MTHFD1L: variants seen among roughly 807,000 people sequenced by gnomAD.
The protein encoded by MTHFD1L is monofunctional C1-tetrahydrofolate synthase, mitochondrial.
A neutral mutation model predicts 119.5 loss-of-function variants in MTHFD1L; 81 were observed. The ratio of observed to expected loss-of-function variants is 0.68; its 90% confidence interval spans 0.57 to 0.82. The LOEUF (loss-of-function observed/expected upper bound fraction) is 0.82, where lower values mean the gene tolerates loss of function less well. Among genes scored for constraint, MTHFD1L ranks in the 40% least tolerant of loss-of-function variants. The pLI is 0.00. For missense variants in MTHFD1L, 1,125 were observed against 1,253.4 expected (o/e 0.90, Z 1.55); for synonymous variants, 430 against 475.2 (o/e 0.90, Z 1.24).
At chr6:151,073,847 A>G (rs1344612147) in intron 26 of MTHFD1L, among the ~76,000 whole-genome samples, 1 of 152,240 alleles carries the variant, frequency 6.6e-6, no homozygotes, top group Non-Finnish European at 1.5e-5. Flanking sequence ...TTAAGTAGCC[A>G]AAAATATGTA....
At chr6:150,948,569 C>G (rs1349687845) in intron 15 of MTHFD1L, among the ~76,000 whole-genome samples, 1 of 152,112 alleles carries the variant, frequency 6.6e-6, no homozygotes, top group Non-Finnish European at 1.5e-5. Flanking sequence ...GGTGATCCAC[C>G]TGCCTCCACC....
intron 15 of MTHFD1L, among the ~76,000 whole-genome samples, chr6:150,945,948 G>C (rs1465783819): frequency 2.0e-5 from 3 of 152,028 alleles, no homozygotes; most frequent in African/African-American, 4.8e-5. Context: ...AGTGCACCAT[G>C]ATGGCCCCTG....
At chr6:151,076,668 G>T (rs542256327) in intron 26 of MTHFD1L, among the ~76,000 whole-genome samples, 1 of 135,390 alleles carries the variant, frequency 7.4e-6, no homozygotes, top group East Asian at 2.2e-4. Context: ...AAAAAAAAAA[G>T]ACTGACCATA....
chr6:150,906,522 C>A (rs1197868427), intron 8 of MTHFD1L, among the ~76,000 whole-genome samples: 1 of 152,206 alleles, frequency 6.6e-6, no homozygotes. Context: ...CTGAGTAGCA[C>A]AGGTGAGCCA....
At chr6:150,887,415 C>T (rs796104615) in intron 6 of MTHFD1L, among the ~76,000 whole-genome samples, 2 of 152,252 alleles carry the variant, frequency 1.3e-5, no homozygotes, top group South Asian at 2.1e-4. Flanking sequence ...CTCCTAGTTC[C>T]TAGTCATTGT....
intron 26 of MTHFD1L, among the ~76,000 whole-genome samples, chr6:151,046,856 GT>G (rs1788171301): frequency 6.6e-6 from 1 of 152,128 alleles, no homozygotes; most frequent in African/African-American, 2.4e-5. Flanking sequence ...TGAGGGTATA[GT>G]GGGAAGCCTG....
intron 25 of MTHFD1L, 106 bp downstream of exon 25, chr6:151,034,706 A>G (rs1785883295): frequency 1.4e-6 from 1 of 738,922 alleles, no homozygotes; most frequent in Admixed American, 2.3e-5. Context: ...ACCTTTGCTT[A>G]ATCTATTGTA....
chr6:150,871,245 AT>A (rs569411065), intron 1 of MTHFD1L, among the ~76,000 whole-genome samples: 208 of 148,646 alleles, frequency 1.4e-3, no homozygotes, highest in Non-Finnish European at 1.9e-3. Context: ...ATTTGCCTAG[AT>A]GTTGATGGTT....
chr6:151,062,290 TA>T (rs1292145948), intron 26 of MTHFD1L, among the ~76,000 whole-genome samples: 1 of 151,978 alleles, frequency 6.6e-6, no homozygotes, highest in Non-Finnish European at 1.5e-5. Flanking sequence ...CAAAAAAAAT[TA>T]GCCAGGCTTG....
intron 11 of MTHFD1L, among the ~76,000 whole-genome samples, chr6:150,936,575 G>T (rs777720454): frequency 1.9e-4 from 29 of 152,136 alleles, no homozygotes; most frequent in Non-Finnish European, 4.1e-4. Flanking sequence ...TATTAGCACT[G>T]CCTAATACCT....
chr6:150,927,599 G>C (rs1023437765), intron 11 of MTHFD1L, among the ~76,000 whole-genome samples: 5 of 152,062 alleles, frequency 3.3e-5, no homozygotes, highest in African/African-American at 1.2e-4. Context: ...TGGGATTACA[G>C]GCATGCGCCA....
intron 24 of MTHFD1L, among the ~76,000 whole-genome samples, chr6:151,023,534 C>T (rs1784246270): frequency 6.6e-6 from 1 of 152,170 alleles, no homozygotes; most frequent in Non-Finnish European, 1.5e-5. Flanking sequence ...GGATCTGCAC[C>T]TGTCATGAGC....
At chr6:150,938,166 C>T (rs927737360) in intron 12 of MTHFD1L, among the ~76,000 whole-genome samples, 1 of 151,626 alleles carries the variant, frequency 6.6e-6, no homozygotes, top group African/African-American at 2.4e-5. Context: ...TACAGGCACC[C>T]GCCACCATGC....
intron 26 of MTHFD1L, among the ~76,000 whole-genome samples, chr6:151,047,411 T>G (rs1788263082): frequency 6.6e-6 from 1 of 152,182 alleles, no homozygotes; most frequent in South Asian, 2.1e-4. Flanking sequence ...AAGTATAAAG[T>G]AGGTGTAGGG....
At position 151,090,946 on chromosome 6, in the gene MTHFD1L, T is replaced by C. The variant is rs1029339336; in HGVS notation, c.2848-1521T>C. On this transcript the variant is annotated intron_variant, in intron 26 of 27. Transcript: ENST00000367321. The stretch of plus-strand genomic sequence containing the variant: ...TCCATGCGACTGGGTGCAGCATCGT[T>C]CCATGCGACTGGGTGCAGCATCGCC... 2.2e-4 allele frequency among the ~76,000 whole-genome samples: 20 copies of C among 90,340 alleles called. No homozygotes were observed. The South Asian group carries it at 3.0e-3, about 14-fold the overall frequency. 59.3% of individuals were successfully genotyped at this position (90,340 alleles called of 152,430 possible).
At chr6:150,895,435 C>T (rs1784055693) in intron 7 of MTHFD1L, among the ~76,000 whole-genome samples, 1 of 152,128 alleles carries the variant, frequency 6.6e-6, no homozygotes, top group South Asian at 2.1e-4. Flanking sequence ...AGGTAAACCT[C>T]AGCTGCATGC....
At chr6:151,010,064 A>G in intron 21 of MTHFD1L, 106 bp downstream of exon 21, 7 of 1,350,244 alleles carry the variant, frequency 5.2e-6, no homozygotes, top group Non-Finnish European at 6.8e-6. Context: ...AGTTTTCTAG[A>G]GTATTTTTCT....
intron 26 of MTHFD1L, among the ~76,000 whole-genome samples, chr6:151,060,622 A>C (rs1474113773): frequency 6.6e-6 from 1 of 152,218 alleles, no homozygotes; most frequent in Non-Finnish European, 1.5e-5. Context: ...GAACAGACTC[A>C]CCAGGGGTCG....
At chr6:150,918,485 C>A (rs1477160879) in intron 8 of MTHFD1L, 92 bp from the exon 9 acceptor site, 2 of 904,608 alleles carry the variant, frequency 2.2e-6, no homozygotes, top group Non-Finnish European at 3.7e-6. Context: ...AAAAATGAGA[C>A]CACTATTCAG....
Sources: gnomAD v4.1 joint callset for allele counts (sites outside exome capture counted in the v4.1 genomes callset) on GRCh38, gnomAD v4.1.1 for gene constraint, MANE v1.5 for transcripts, NCBI Gene and HGNC (gene_info 2026-07-23, HGNC 2026-07-21) for gene names.